NAALADL2: variants seen among roughly 807,000 people sequenced by gnomAD.
The protein encoded by NAALADL2 is inactive N-acetylated-alpha-linked acidic dipeptidase-like protein 2.
A neutral mutation model predicts 87.2 loss-of-function variants in NAALADL2; 76 were observed. The ratio of observed to expected loss-of-function variants is 0.87; its 90% CI spans 0.72 to 1.05. The LOEUF is 1.05. NAALADL2 is among the 50% of genes least tolerant of loss of function. The pLI, the probability that NAALADL2 is intolerant of heterozygous loss-of-function variation, is 0.00. For missense variants in NAALADL2, 1,089 were observed against 945.8 expected, an observed-to-expected ratio of 1.15 and a Z score of -1.99; for synonymous variants, 354 against 331.0, an observed-to-expected ratio of 1.07 and a Z score of -0.75.
intron 1 of NAALADL2, among the ~76,000 whole-genome samples, chr3:174,467,404 C>A (rs1716601203): frequency 6.6e-6 from 1 of 151,456 alleles, no homozygotes; most frequent in South Asian, 2.1e-4. Flanking sequence ...ACCAGCCTGG[C>A]CAACATGGTG....
chr3:175,475,712 T>C (rs543705955), intron 9 of NAALADL2, among the ~76,000 whole-genome samples: 1 of 152,274 alleles, frequency 6.6e-6, no homozygotes, highest in East Asian at 1.9e-4. Flanking sequence ...CAGACAGTGT[T>C]TTTTTAATTT....
chr3:174,676,267 G>C (rs1480436117), intron 2 of NAALADL2, among the ~76,000 whole-genome samples: 2 of 152,002 alleles, frequency 1.3e-5, no homozygotes, highest in African/African-American at 2.4e-5. Flanking sequence ...GTATAAGTGT[G>C]GGAACACTGG....
chr3:175,008,053 C>T (rs1313858783), intron 1 of NAALADL2, among the ~76,000 whole-genome samples: 1 of 152,078 alleles, frequency 6.6e-6, no homozygotes. Context: ...GATTTCATTA[C>T]ACTATTCAGA....
At chr3:175,432,766 G>A (rs984995308) in intron 5 of NAALADL2, among the ~76,000 whole-genome samples, 1 of 152,056 alleles carries the variant, frequency 6.6e-6, no homozygotes, top group Non-Finnish European at 1.5e-5. Flanking sequence ...TACTTTAAAA[G>A]CACTTCTTAT....
intron 13 of NAALADL2, among the ~76,000 whole-genome samples, chr3:175,800,325 ATATTCAGGGAATATAT>A (rs1161896831): frequency 1.3e-5 from 2 of 152,176 alleles, no homozygotes; most frequent in Non-Finnish European, 2.9e-5. Context: ...TCTCCCTCCC[ATATTCAGGGAATATAT>A]TTTTCTTAAT....
intron 11 of NAALADL2, among the ~76,000 whole-genome samples, chr3:175,682,659 G>A (rs1470525305): frequency 6.6e-6 from 1 of 151,974 alleles, no homozygotes; most frequent in Non-Finnish European, 1.5e-5. Context: ...TCAATGCATA[G>A]CCCCTTAAAC....
chr3:174,729,073 TAATAA>T (rs1732462191), intron 2 of NAALADL2, among the ~76,000 whole-genome samples: 1 of 151,984 alleles, frequency 6.6e-6, no homozygotes, highest in Admixed American at 6.6e-5. Context: ...TAGTCAATCT[TAATAA>T]AATCAACTAA....
chr3:174,991,134 A>C (rs1375137312), intron 1 of NAALADL2, among the ~76,000 whole-genome samples: 1 of 152,100 alleles, frequency 6.6e-6, no homozygotes, highest in African/African-American at 2.4e-5. Context: ...GAAGCACAAA[A>C]ATGATGAATA....
At chr3:174,750,788 C>T (rs1734748104) in intron 3 of NAALADL2, among the ~76,000 whole-genome samples, 1 of 152,152 alleles carries the variant, frequency 6.6e-6, no homozygotes, top group Non-Finnish European at 1.5e-5. Context: ...ACTCATTGCT[C>T]TCTTAGCAGC....
intron 4 of NAALADL2, among the ~76,000 whole-genome samples, chr3:175,310,096 T>C (rs1420535611): frequency 6.6e-6 from 1 of 152,230 alleles, no homozygotes; most frequent in Non-Finnish European, 1.5e-5. Flanking sequence ...GTTTTTATGA[T>C]AAAATTTCCA....
chr3:175,425,013 A>T (rs1245564156), intron 5 of NAALADL2, among the ~76,000 whole-genome samples: 1 of 152,184 alleles, frequency 6.6e-6, no homozygotes, highest in East Asian at 1.9e-4. Context: ...AGGATAAAGA[A>T]AACTGTTTAA....
At chr3:175,427,843 C>T (rs114912861) in intron 5 of NAALADL2, among the ~76,000 whole-genome samples, 8 of 152,192 alleles carry the variant, frequency 5.3e-5, no homozygotes, top group African/African-American at 1.9e-4. Context: ...GCTTAAGGTT[C>T]TTCATGCTGC....
intron 10 of NAALADL2, among the ~76,000 whole-genome samples, chr3:175,619,029 C>T (rs866637282): frequency 1.1e-4 from 17 of 152,056 alleles, no homozygotes; most frequent in Admixed American, 4.6e-4. Context: ...TCAGACTGAA[C>T]CTTGGAATAG....
At chr3:174,915,242 G>A (rs1405095821) in intron 1 of NAALADL2, among the ~76,000 whole-genome samples, 1 of 152,100 alleles carries the variant, frequency 6.6e-6, no homozygotes, top group Non-Finnish European at 1.5e-5. Flanking sequence ...CAGAGGAGGT[G>A]TCATATTGTC....
At chr3:175,711,217 AT>A (rs745361478) in intron 11 of NAALADL2, among the ~76,000 whole-genome samples, 23 of 151,974 alleles carry the variant, frequency 1.5e-4, no homozygotes, top group Non-Finnish European at 3.2e-4. Context: ...GGTGCTTGAA[AT>A]TCTATATGGC....
At chr3:175,537,846 GCTAGTGGTAAAGTTAAATATTCGAAAT>G (rs1711544427) in intron 9 of NAALADL2, among the ~76,000 whole-genome samples, 1 of 152,148 alleles carries the variant, frequency 6.6e-6, no homozygotes, top group African/African-American at 2.4e-5. Flanking sequence ...GGAAGAAAAT[GCTAGTGGTAAAGTTAAATATTCGAAAT>G]CTGAAATGTT....
chr3:175,338,923 A>T (rs909572775), intron 5 of NAALADL2, among the ~76,000 whole-genome samples: 4 of 152,312 alleles, frequency 2.6e-5, no homozygotes, highest in Non-Finnish European at 4.4e-5. Flanking sequence ...GCTGCACAGA[A>T]GGGAGGGAAG....
At chr3:175,367,559 T>C (rs1765799251) in intron 5 of NAALADL2, among the ~76,000 whole-genome samples, 2 of 152,206 alleles carry the variant, frequency 1.3e-5, no homozygotes, top group South Asian at 4.1e-4. Context: ...TAGTTCTCCT[T>C]GAAGAGGTCC....
At chr3:174,783,075 G>A (rs1716190267) in intron 3 of NAALADL2, among the ~76,000 whole-genome samples, 1 of 152,074 alleles carries the variant, frequency 6.6e-6, no homozygotes, top group Non-Finnish European at 1.5e-5. Context: ...AAGATACACT[G>A]GACATACAGA....
Sources: allele counts gnomAD v4.1 joint callset (sites outside exome capture counted in the v4.1 genomes callset), GRCh38; gene constraint gnomAD v4.1.1; transcripts MANE v1.5; gene names NCBI Gene and HGNC (gene_info 2026-07-23, HGNC 2026-07-21).